Variants in CLMP observed in about 807,000 individuals in gnomAD.
CLMP encodes CXADR like cell adhesion molecule.
In CLMP, 27 loss-of-function variants were observed where a neutral mutation model predicts 45.2. That is an observed-to-expected ratio of 0.60 (90% CI 0.44 to 0.82). The LOEUF (loss-of-function observed/expected upper bound fraction) is 0.82, where lower values mean the gene tolerates loss of function less well. Ranked by LOEUF, CLMP falls within the 40% of genes least tolerant of loss-of-function variation. The pLI is 0.00. For missense variants in CLMP, 403 were observed against 448.4 expected, an observed-to-expected ratio of 0.90 and a Z score of 0.91; for synonymous variants, 167 against 171.4, an observed-to-expected ratio of 0.97 and a Z score of 0.20.
In CLMP at chr11:123,070,908, TAA is replaced by T. The variant is rs1865664306; in HGVS notation, c.*2564_*2565del. On this transcript the variant is annotated 3_prime_UTR_variant, in exon 7 of 7. Coordinates refer to ENST00000448775, the MANE Select transcript of CLMP (RefSeq NM_024769.5). ...TTTTAGAGGAAGAAAATACTCAGGC[TAA>T]AACTTTCACCCAAGCATAAACTCCT... 2 of 152,228 alleles carry T rather than the reference TAA, an allele frequency of 1.3e-5. No homozygotes were observed. Among genetic ancestry groups the T allele is most frequent in the Non-Finnish European group, 2.9e-5 (2 of 68,034 alleles). The allele number at this position is 152,228 out of a possible 1,614,324, so 9.4% of individuals were successfully genotyped here. A position where few individuals can be genotyped will look rare whatever the true frequency, so the allele number is the denominator to read the frequency against.
At position 123,100,956 on chromosome 11, in the gene CLMP, C is replaced by T. The variant is rs1036195477; in HGVS notation, c.29-3004G>A. Among the ~76,000 whole-genome samples the T allele has an allele frequency of 5.3e-5, 8 of 152,180 alleles. No homozygotes were observed. In the East Asian group the frequency reaches 1.2e-3, roughly 22 times the overall value. The stretch of plus-strand genomic sequence containing the variant: ...ACCCTCCTCCCCCACCGCCTGCCCC[C>T]GACCTCTCTGTGAGTGCAGAAATAC... On this transcript the variant is annotated intron_variant, in intron 1 of 6. Transcript: ENST00000448775.
At chr11:123,088,459 A>G (rs1865890255) in intron 2 of CLMP, among the ~76,000 whole-genome samples, 1 of 152,112 alleles carries the variant, frequency 6.6e-6, no homozygotes, top group Non-Finnish European at 1.5e-5. Flanking sequence ...CCAGATGCAT[A>G]ATCACCTACA....
chr11:123,125,924 C>T (rs1448875732), intron 1 of CLMP, among the ~76,000 whole-genome samples: 1 of 151,926 alleles, frequency 6.6e-6, no homozygotes, highest in African/African-American at 2.4e-5. Context: ...TTGCTTTCTG[C>T]TCTCTCTTCG....
At chr11:123,114,907 T>A (rs1423012613) in intron 1 of CLMP, among the ~76,000 whole-genome samples, 2 of 152,204 alleles carry the variant, frequency 1.3e-5, no homozygotes, top group African/African-American at 2.4e-5. Context: ...ACTATTCTAA[T>A]CCAGCCATTT....
rs1348426073 is a variant in CLMP at position 123,107,025 on chromosome 11, A to T, written c.29-9073T>A. 1.0e-3 allele frequency among the ~76,000 whole-genome samples: 157 copies of T among 151,092 alleles called. 1 individual carries two copies. The highest frequency in any genetic ancestry group is 3.4e-3 in the Middle Eastern group (1 of 294). On this transcript the variant is annotated intron_variant, in intron 1 of 6. Coordinates refer to ENST00000448775, the MANE Select transcript of CLMP (RefSeq NM_024769.5). The stretch of plus-strand genomic sequence containing the variant: ...CAGAGCGAGACTCCGTCTCAAAAAA[A>T]AAAAAAAATAATAATAATAATAATT...
At chr11:123,162,456 G>C (rs1229756930) in intron 1 of CLMP, among the ~76,000 whole-genome samples, 1 of 152,196 alleles carries the variant, frequency 6.6e-6, no homozygotes, top group Non-Finnish European at 1.5e-5. Flanking sequence ...ATAGAACAGA[G>C]ATCCATTAAG....
chr11:123,136,349 C>T lies in CLMP; in HGVS notation c.29-38397G>A, dbSNP rs901197903. On this transcript the variant is annotated intron_variant, in intron 1 of 6. Transcript: ENST00000448775. ...CAACACTTCGTAAGAGTCGTCCTCA[C>T]TTTCATATTCTTGGGGAGCCGGGTT... 7 of 579,026 alleles carry T rather than the reference C, an allele frequency of 1.2e-5. No homozygotes were observed. The African/African-American group carries it at 1.3e-4, about 11-fold the overall frequency. 35.9% of individuals were successfully genotyped at this position (579,026 alleles called of 1,614,324 possible). A position where few individuals can be genotyped will look rare whatever the true frequency, so the allele number is the denominator to read the frequency against.
intron 1 of CLMP, among the ~76,000 whole-genome samples, chr11:123,156,184 C>T (rs1026559291): frequency 3.9e-5 from 6 of 152,182 alleles, no homozygotes; most frequent in African/African-American, 1.4e-4. Flanking sequence ...TGAGGAAAGG[C>T]CGTGTGAGGA....
chr11:123,106,687 G>T lies in CLMP; in HGVS notation c.29-8735C>A, dbSNP rs192552360. Among the ~76,000 whole-genome samples, 511 of 152,184 alleles carry T rather than the reference G, an allele frequency of 3.4e-3. 3 individuals carry two copies. Among genetic ancestry groups the T allele is most frequent in the African/African-American group, 0.012 (486 of 41,514 alleles). On this transcript the variant is annotated intron_variant, in intron 1 of 6. Coordinates refer to ENST00000448775, the MANE Select transcript of CLMP (RefSeq NM_024769.5). ...TGAAAGTGTCTAGCACTGGCGCATG[G>T]TATGTAGCACACACTCAGCAAATGG...
chr11:123,144,933 C>T (rs924250220), intron 1 of CLMP, among the ~76,000 whole-genome samples: 4 of 151,912 alleles, frequency 2.6e-5, no homozygotes, highest in Non-Finnish European at 5.9e-5. Flanking sequence ...CTTACAGGCT[C>T]GAGTGCTGCA....
intron 1 of CLMP, among the ~76,000 whole-genome samples, chr11:123,117,481 C>T (rs1860734686): frequency 6.6e-6 from 1 of 152,054 alleles, no homozygotes; most frequent in African/African-American, 2.4e-5. Flanking sequence ...GGCTGGAGTG[C>T]AGTGGTACGA....
At chr11:123,193,500 A>C (rs1407592327) in intron 1 of CLMP, among the ~76,000 whole-genome samples, 1 of 152,210 alleles carries the variant, frequency 6.6e-6, no homozygotes, top group Non-Finnish European at 1.5e-5. Flanking sequence ...CAGGAACAGT[A>C]TTGCAGTATT....
At chr11:123,107,329 C>T (rs1370045711) in intron 1 of CLMP, among the ~76,000 whole-genome samples, 4 of 151,864 alleles carry the variant, frequency 2.6e-5, no homozygotes, top group Non-Finnish European at 4.4e-5. Flanking sequence ...CTCCTGGGTT[C>T]AAGCGATTCT....
At chr11:123,148,085 A>C (rs544722370) in intron 1 of CLMP, among the ~76,000 whole-genome samples, 38 of 152,310 alleles carry the variant, frequency 2.5e-4, no homozygotes, top group African/African-American at 8.9e-4. Context: ...CCATCTATAA[A>C]ATAGGATGCT....
At chr11:123,097,620 C>T (rs1866005515) in intron 2 of CLMP, among the ~76,000 whole-genome samples, 175 bp downstream of exon 2, 1 of 152,174 alleles carries the variant, frequency 6.6e-6, no homozygotes, top group South Asian at 2.1e-4. Context: ...TGAGCCACCA[C>T]ACCCAGCAAT....
chr11:123,195,084 C>T lies in CLMP; in HGVS notation c.-144G>A. The T allele has an allele frequency of 1.7e-6, 1 of 600,016 alleles. No homozygotes were observed. The highest frequency in any genetic ancestry group is 4.5e-5 in the East Asian group (1 of 22,310). The allele number at this position is 600,016 out of a possible 1,614,324, so 37.2% of individuals were successfully genotyped here. On this transcript the variant is annotated 5_prime_UTR_variant, in exon 1 of 7. Coordinates refer to ENST00000448775, the MANE Select transcript of CLMP (RefSeq NM_024769.5). ...GCTGCAGCCATGTGCCGGGCGGGAG[C>T]CGGCCCCGCGCCCCGTGCCCCTGGG... is the stretch of plus-strand genomic sequence containing the variant.
chr11:123,174,676 C>T (rs1565403938), intron 1 of CLMP, among the ~76,000 whole-genome samples: 1 of 152,192 alleles, frequency 6.6e-6, no homozygotes, highest in Non-Finnish European at 1.5e-5. Context: ...GCCCTTCTGT[C>T]TAGAGGTGGC....
chr11:123,156,835 G>A (rs935253419), intron 1 of CLMP, among the ~76,000 whole-genome samples: 7 of 152,186 alleles, frequency 4.6e-5, no homozygotes, highest in African/African-American at 1.7e-4. Flanking sequence ...CATGGCTGCA[G>A]GGAAAACCTC....
chr11:123,148,297 C>T (rs2135522723), intron 1 of CLMP, among the ~76,000 whole-genome samples: 1 of 152,288 alleles, frequency 6.6e-6, no homozygotes, highest in South Asian at 2.1e-4. Context: ...TTTCACTATG[C>T]CCTGCTGTCA....
Sources: allele counts gnomAD v4.1 joint callset (sites outside exome capture counted in the v4.1 genomes callset), GRCh38; gene constraint gnomAD v4.1.1; transcripts MANE v1.5; gene names NCBI Gene and HGNC (gene_info 2026-07-23, HGNC 2026-07-21).